PCDHA8: variants seen among roughly 807,000 people sequenced by gnomAD.
PCDHA8 encodes protocadherin alpha-8.
Under a neutral mutation model 61.8 loss-of-function variants are expected in PCDHA8, and 53 were observed. The observed-to-expected ratio is 0.86, with a 90% CI of 0.69 to 1.08. The LOEUF is 1.08. PCDHA8 is among the 50% of genes least tolerant of loss of function. The probability of loss-of-function intolerance (pLI) is 0.00; values close to 1 mark genes in which losing one functional copy is unlikely to be tolerated. For synonymous variants in PCDHA8, 618 were observed against 556.6 expected (o/e 1.11, Z -1.55); for missense variants, 1,293 against 1,245.0 (o/e 1.04, Z -0.58).
intron 1 of PCDHA8, among the ~76,000 whole-genome samples, chr5:140,974,134 C>T (rs1212348196): frequency 1.3e-5 from 2 of 152,290 alleles, no homozygotes; most frequent in East Asian, 1.9e-4. Flanking sequence ...AATCTGCTAA[C>T]CTGAAAACTA....
intron 3 of PCDHA8, among the ~76,000 whole-genome samples, chr5:140,997,593 G>T (rs2097775607): frequency 6.6e-6 from 1 of 152,072 alleles, no homozygotes. Context: ...ACTGAAACAT[G>T]ATTATGGGGC....
chr5:140,946,224 C>T (rs1450090999), intron 1 of PCDHA8, among the ~76,000 whole-genome samples: 1 of 151,786 alleles, frequency 6.6e-6, no homozygotes, highest in Non-Finnish European at 1.5e-5. Context: ...AACAGGTATA[C>T]TAAAAAATGC....
chr5:140,976,897 T>C (rs2096736712), intron 1 of PCDHA8, among the ~76,000 whole-genome samples: 1 of 152,220 alleles, frequency 6.6e-6, no homozygotes, highest in Admixed American at 6.5e-5. Flanking sequence ...CATGCAACAG[T>C]ATGTAATAAA....
chr5:140,926,370 A>G (rs1268539055), intron 1 of PCDHA8: 1 of 152,298 alleles, frequency 6.6e-6, no homozygotes, highest in African/African-American at 2.4e-5. Flanking sequence ...GGCGGCAGGA[A>G]GAGCCCAGCT....
Position 141,009,697 on chromosome 5 carries a change from C to T in PCDHA8, c.2613C>T (p.Tyr871=), listed in dbSNP as rs1554262284. ...ACAGCAACAGCTGGACCTTTAAATA[C>T]GGACCAGGCAACCCCAAACAATCCG... ...GVNSNSWTFK[Y]GPGNPKQSGP... The change falls in exon 4 of 4, where the codon TAC becomes TAT. Residue 871 remains tyrosine (Y), a synonymous_variant. Coordinates refer to ENST00000531613, the MANE Select transcript of PCDHA8 (RefSeq NM_018911.3). 1.1e-5 allele frequency: 17 copies of T among 1,613,952 alleles called. No individual in the cohort carries two copies. The highest frequency in any genetic ancestry group is 1.1e-5 in the South Asian group (1 of 91,066).
intron 1 of PCDHA8, among the ~76,000 whole-genome samples, chr5:140,939,735 G>A (rs2092448026): frequency 6.6e-6 from 1 of 152,174 alleles, no homozygotes; most frequent in South Asian, 2.1e-4. Flanking sequence ...GTGTGTAGCT[G>A]TGTATCATTC....
intron 1 of PCDHA8, among the ~76,000 whole-genome samples, chr5:140,925,641 T>TAATA (rs2082614636): frequency 7.0e-6 from 1 of 143,358 alleles, no homozygotes; most frequent in Non-Finnish European, 1.5e-5. Flanking sequence ...GAACTTAAAG[T>TAATA]ATAATAATAA....
intron 1 of PCDHA8, chr5:140,875,290 A>AT (rs1231810985): frequency 7.9e-6 from 11 of 1,396,906 alleles, no homozygotes; most frequent in Non-Finnish European, 1.0e-5. Context: ...AAACAGGAAA[A>AT]TTTTTTTCTC....
At chr5:140,960,177 G>C (rs2095530246) in intron 1 of PCDHA8, among the ~76,000 whole-genome samples, 1 of 152,052 alleles carries the variant, frequency 6.6e-6, no homozygotes, top group Non-Finnish European at 1.5e-5. Flanking sequence ...CTTAAGTTAG[G>C]GGTTGCATGT....
At chr5:140,876,048 T>G in intron 1 of PCDHA8, 1 of 1,613,930 alleles carries the variant, frequency 6.2e-7, no homozygotes, top group Non-Finnish European at 8.5e-7. Context: ...GTATATTGCC[T>G]GAATTAGTTC....
intron 3 of PCDHA8, among the ~76,000 whole-genome samples, chr5:141,007,846 A>G (rs1368916424): frequency 6.6e-6 from 1 of 152,176 alleles, no homozygotes. Flanking sequence ...TAGAGACTCA[A>G]AGTCCTTAAA....
intron 1 of PCDHA8, among the ~76,000 whole-genome samples, chr5:140,892,867 A>G (rs1452797610): frequency 1.3e-5 from 2 of 152,150 alleles, no homozygotes; most frequent in African/African-American, 4.8e-5. Context: ...CTGTGTAGCT[A>G]TAATTTCGTA....
intron 3 of PCDHA8, among the ~76,000 whole-genome samples, chr5:140,994,367 G>C (rs2097617491): frequency 6.6e-6 from 1 of 152,110 alleles, no homozygotes; most frequent in African/African-American, 2.4e-5. Context: ...AGATGGAATT[G>C]GAAATTCAGG....
Position 140,843,020 on chromosome 5 carries a change from G to A in PCDHA8, c.1699G>A (p.Glu567Lys), listed in dbSNP as rs142550829. ...DENDNAPALLEPRVGGTGGAA... is the reference protein window; with the variant it reads ...DENDNAPALLKPRVGGTGGAA... ...GAATGACAACGCGCCGGCACTGCTG[G>A]AGCCTCGGGTGGGTGGCACTGGTGG... The change falls in exon 1 of 4, where the codon GAG becomes AAG. Residue 567 changes from glutamate (E) to lysine (K), a missense_variant. Glu to Lys is a moderately conservative substitution (Grantham distance 56). Transcript: ENST00000531613. 14 of 1,595,174 alleles carry A rather than the reference G, an allele frequency of 8.8e-6. 2 individuals carry two copies. In the African/African-American group the frequency reaches 1.7e-4, roughly 20 times the overall value.
chr5:140,874,868 T>C (rs1554167378), intron 1 of PCDHA8, among the ~76,000 whole-genome samples: 1 of 152,254 alleles, frequency 6.6e-6, no homozygotes, highest in Non-Finnish European at 1.5e-5. Flanking sequence ...TTATCCTTTG[T>C]TAAATACAAA....
intron 1 of PCDHA8, among the ~76,000 whole-genome samples, chr5:140,959,938 G>T (rs937975013): frequency 6.6e-6 from 1 of 152,130 alleles, no homozygotes; most frequent in Non-Finnish European, 1.5e-5. Flanking sequence ...CATTACTTAG[G>T]CAGAATATCA....
intron 1 of PCDHA8, among the ~76,000 whole-genome samples, chr5:140,898,530 T>A (rs1256781089): frequency 6.6e-6 from 1 of 152,228 alleles, no homozygotes; most frequent in African/African-American, 2.4e-5. Flanking sequence ...GAGGGCTCTG[T>A]TCTGTTCCAT....
intron 3 of PCDHA8, among the ~76,000 whole-genome samples, chr5:140,983,660 A>G (rs1460631508): frequency 6.6e-6 from 1 of 152,244 alleles, no homozygotes; most frequent in African/African-American, 2.4e-5. Context: ...TAAGTGGCAG[A>G]GGGTAGGATT....
chr5:140,968,492 G>A (rs2096250539), intron 1 of PCDHA8: 2 of 1,614,074 alleles, frequency 1.2e-6, no homozygotes, highest in African/African-American at 1.3e-5. Flanking sequence ...GAATGACCAT[G>A]CCCCTCACAT....
Sources: allele counts gnomAD v4.1 joint callset (sites outside exome capture counted in the v4.1 genomes callset), GRCh38; gene constraint gnomAD v4.1.1; transcripts MANE v1.5; gene names NCBI Gene and HGNC (gene_info 2026-07-23, HGNC 2026-07-21).